The following VEPH1 variants were observed in gnomAD, a reference collection of about 807,000 sequenced individuals.
VEPH1 encodes the protein ventricular zone-expressed PH domain-containing protein homolog 1.
A neutral mutation model predicts 85.2 loss-of-function variants in VEPH1; 80 were observed. The ratio of observed to expected loss-of-function variants is 0.94; its 90% CI spans 0.78 to 1.13. VEPH1 has a LOEUF of 1.13. VEPH1 is among the 50% of genes most tolerant of loss of function. The pLI is 0.00. For synonymous variants in VEPH1, 297 were observed against 348.0 expected, an observed-to-expected ratio of 0.85 and a Z score of 1.63; for missense variants, 955 against 980.5, an observed-to-expected ratio of 0.97 and a Z score of 0.35.
chr3:157,317,278 A>G (rs1720851949), intron 9 of VEPH1, 77 bp from the exon 10 acceptor site: 4 of 1,335,138 alleles, frequency 3.0e-6, no homozygotes, highest in Non-Finnish European at 3.9e-6. Flanking sequence ...TCAACACACA[A>G]ATGCCTTTAT....
chr3:157,265,800 TA>T, intron 12 of VEPH1, 138 bp from the exon 13 acceptor site: 1 of 854,766 alleles, frequency 1.2e-6, no homozygotes, highest in Non-Finnish European at 1.7e-6. Flanking sequence ...TGAATTTGGT[TA>T]ACCTTTCCTC....
At chr3:157,423,132 T>C (rs557282241) in intron 5 of VEPH1, among the ~76,000 whole-genome samples, 2 of 152,368 alleles carry the variant, frequency 1.3e-5, no homozygotes, top group Admixed American at 6.5e-5. Flanking sequence ...AACTTTTTAT[T>C]AGAATCCTAC....
chr3:157,305,262 A>G (rs1036018584), intron 11 of VEPH1, among the ~76,000 whole-genome samples: 2 of 150,702 alleles, frequency 1.3e-5, no homozygotes, highest in Admixed American at 1.3e-4. Flanking sequence ...GGCGCCCGCC[A>G]CTACGCCCGG....
intron 9 of VEPH1, among the ~76,000 whole-genome samples, chr3:157,318,650 AAG>A (rs2108538739): frequency 1.1e-5 from 1 of 94,342 alleles, no homozygotes; most frequent in East Asian, 4.7e-4. Context: ...GAAAGAAAGA[AAG>A]AATGAAAGAA....
At chr3:157,480,423 C>T (rs1737926906) in intron 2 of VEPH1, among the ~76,000 whole-genome samples, 1 of 152,094 alleles carries the variant, frequency 6.6e-6, no homozygotes, top group Non-Finnish European at 1.5e-5. Flanking sequence ...GTATAGTACA[C>T]AATAGGAAGT....
At chr3:157,423,274 AG>A in intron 5 of VEPH1, among the ~76,000 whole-genome samples, 4 of 152,342 alleles carry the variant, frequency 2.6e-5, no homozygotes, top group Middle Eastern at 6.8e-3. Context: ...TATGTGCAAA[AG>A]GGACAGTGCA....
At chr3:157,448,571 G>A (rs917971107) in intron 4 of VEPH1, among the ~76,000 whole-genome samples, 27 of 152,246 alleles carry the variant, frequency 1.8e-4, no homozygotes, top group African/African-American at 6.0e-4. Context: ...TCAGCTTCTT[G>A]AGTGAAAGAT....
At chr3:157,396,519 T>C (rs910822212) in intron 6 of VEPH1, among the ~76,000 whole-genome samples, 4 of 152,244 alleles carry the variant, frequency 2.6e-5, no homozygotes, top group African/African-American at 9.6e-5. Context: ...ATCGCCACAC[T>C]GGCTTCTACA....
At chr3:157,318,617 AACAAAACAAAAAAAAAAAG>A (rs1022434762) in intron 9 of VEPH1, among the ~76,000 whole-genome samples, 3 of 112,558 alleles carry the variant, frequency 2.7e-5, no homozygotes, top group African/African-American at 1.0e-4. Flanking sequence ...AAAAAAACAA[AACAAAACAAAAAAAAAAAG>A]AAAGAAAGAA....
intron 7 of VEPH1, among the ~76,000 whole-genome samples, chr3:157,364,865 T>G (rs1726456051): frequency 6.6e-6 from 1 of 152,204 alleles, no homozygotes; most frequent in South Asian, 2.1e-4. Context: ...TTCTAAAAAA[T>G]TTACATGTGC....
chr3:157,483,456 A>T (rs1738321978), intron 2 of VEPH1, among the ~76,000 whole-genome samples: 1 of 152,210 alleles, frequency 6.6e-6, no homozygotes, highest in Non-Finnish European at 1.5e-5. Context: ...ATATTTAAAA[A>T]TTTCAGGTAA....
intron 5 of VEPH1, among the ~76,000 whole-genome samples, chr3:157,423,145 T>C (rs1432586316): frequency 1.3e-5 from 2 of 152,204 alleles, no homozygotes; most frequent in African/African-American, 4.8e-5. Flanking sequence ...AATCCTACTA[T>C]GTAACCCAGC....
chr3:157,304,019 T>TATATATATATATATATATA (rs71872669), intron 11 of VEPH1, among the ~76,000 whole-genome samples: 651 of 51,958 alleles, frequency 0.013, 21 homozygotes, highest in South Asian at 0.051. Flanking sequence ...TCATCTTATA[T>TATATATATATATATATATA]TTTTTATATA....
rs931595085 is a variant in VEPH1 at position 157,455,458 on chromosome 3, G to A, written c.529+4723C>T. ...TTTTCTTTAAGTTCAGGGGTACATA[G>A]GCAGTTTTTTTATATAGGTAAACTT... On this transcript the variant is annotated intron_variant, in intron 4 of 13. Transcript: ENST00000362010. Among the ~76,000 whole-genome samples, 9 of 151,404 alleles carry A rather than the reference G, an allele frequency of 5.9e-5. 1 individual carries two copies. The highest frequency in any genetic ancestry group is 1.7e-4 in the African/African-American group (7 of 41,156).
At chr3:157,486,852 A>T (rs1011833461) in intron 2 of VEPH1, among the ~76,000 whole-genome samples, 7 of 152,186 alleles carry the variant, frequency 4.6e-5, no homozygotes, top group Non-Finnish European at 7.3e-5. Context: ...GACTACATGC[A>T]GTTAAGATTT....
At chr3:157,469,786 G>A (rs1166356087) in intron 3 of VEPH1, among the ~76,000 whole-genome samples, 1 of 152,172 alleles carries the variant, frequency 6.6e-6, no homozygotes, top group African/African-American at 2.4e-5. Context: ...ATTAGCGGCT[G>A]AGCCAAAACT....
In VEPH1 at chr3:157,364,198, G is replaced by T. The variant is rs568410872; in HGVS notation, c.1337+105C>A. 9.8e-6 allele frequency: 8 copies of T among 813,986 alleles called. No homozygotes were observed. In the African/African-American group the frequency reaches 1.4e-4, roughly 14 times the overall value. 50.4% of individuals were successfully genotyped at this position (813,986 alleles called of 1,614,324 possible). On this transcript the variant is annotated intron_variant, in intron 8 of 13. Transcript: ENST00000362010. ...TCATGTAAGGATGGCACTTTGGGTG[G>T]CAATGGGTAAAAGATATATAAAAAA...
chr3:157,486,172 A>G (rs1166055227), intron 2 of VEPH1, among the ~76,000 whole-genome samples: 2 of 152,152 alleles, frequency 1.3e-5, no homozygotes, highest in African/African-American at 2.4e-5. Flanking sequence ...TAGAGAATAC[A>G]CATTCCTTTC....
At chr3:157,319,393 G>A (rs1014933733) in intron 9 of VEPH1, among the ~76,000 whole-genome samples, 1 of 152,022 alleles carries the variant, frequency 6.6e-6, no homozygotes, top group African/African-American at 2.4e-5. Context: ...AGAATAGAAT[G>A]GAGCATAATA....
Sources: allele counts gnomAD v4.1 joint callset (sites outside exome capture counted in the v4.1 genomes callset), GRCh38; gene constraint gnomAD v4.1.1; transcripts MANE v1.5; gene names NCBI Gene and HGNC (gene_info 2026-07-23, HGNC 2026-07-21).